The following DOCK8 variants were observed in gnomAD, a reference collection of about 807,000 sequenced individuals.
DOCK8 encodes dedicator of cytokinesis protein 8.
Under a neutral mutation model 245.6 loss-of-function variants are expected in DOCK8, and 141 were observed. The observed-to-expected ratio is 0.57, with a 90% CI of 0.50 to 0.66. The LOEUF is 0.66. Ranked by LOEUF, DOCK8 falls within the 30% of genes least tolerant of loss-of-function variation. The pLI is 0.00. For missense variants in DOCK8, 2,965 were observed against 2,603.4 expected, an observed-to-expected ratio of 1.14 and a Z score of -3.02; for synonymous variants, 1,168 against 970.2, an observed-to-expected ratio of 1.20 and a Z score of -3.79.
intron 2 of DOCK8, chr9:272,852 A>G (rs1191196129): frequency 6.2e-6 from 1 of 160,952 alleles, no homozygotes; most frequent in Non-Finnish European, 1.3e-5. Context: ...TTGTAAAACC[A>G]GCAGTGAATA....
At chr9:399,752 C>G (rs1482705907) in intron 26 of DOCK8, among the ~76,000 whole-genome samples, 2 of 151,962 alleles carry the variant, frequency 1.3e-5, no homozygotes, top group African/African-American at 4.8e-5. Context: ...TTTCATAAAC[C>G]AAGTGCATCT....
rs768454181 is a variant in DOCK8, at chr9:379,730, G to C, written c.2441-41G>C. ...AAACTTCCACCTCAGGCTCCTTAAG[G>C]ACCAGCTGTGGGACTACCCATTTTT... is the stretch of plus-strand genomic sequence containing the variant. On this transcript the variant is annotated intron_variant, in intron 20 of 47. Coordinates refer to ENST00000432829, the MANE Select transcript of DOCK8 (RefSeq NM_203447.4). The C allele has an allele frequency of 3.1e-6, 5 of 1,611,888 alleles. No individual in the cohort carries two copies. In the South Asian group the frequency reaches 5.5e-5, roughly 18 times the overall value.
chr9:379,992 A>G (rs2053678404), intron 21 of DOCK8, 57 bp downstream of exon 21: 1 of 1,570,650 alleles, frequency 6.4e-7, no homozygotes, highest in Non-Finnish European at 8.6e-7. Flanking sequence ...CCTCCACCCC[A>G]CTGCAGTGTA....
At chr9:279,007 A>G (rs1438394309) in intron 2 of DOCK8, among the ~76,000 whole-genome samples, 2 of 152,176 alleles carry the variant, frequency 1.3e-5, no homozygotes, top group Non-Finnish European at 2.9e-5. Flanking sequence ...CAGGAAAGCA[A>G]TACCGGTGCT....
chr9:339,002 G>T lies in DOCK8; in HGVS notation c.1423-4G>T, dbSNP rs1419886441. On this transcript the variant is annotated splice_polypyrimidine_tract_variant and splice_region_variant and intron_variant, in intron 12 of 47. Coordinates refer to ENST00000432829, the MANE Select transcript of DOCK8 (RefSeq NM_203447.4). ...TACATTAACTCTGACTTTTCTCTTG[G>T]CAGGAAGGAGATCGCCTTAGCGATG... is the stretch of plus-strand genomic sequence containing the variant. The T allele has an allele frequency of 6.2e-7, 1 of 1,613,872 alleles. No individual in the cohort carries two copies. Among genetic ancestry groups the T allele is most frequent in the Non-Finnish European group, 8.5e-7 (1 of 1,179,850 alleles).
At chr9:388,515 A>G (rs1483440263) in intron 23 of DOCK8, among the ~76,000 whole-genome samples, 2 of 151,772 alleles carry the variant, frequency 1.3e-5, no homozygotes, top group African/African-American at 4.8e-5. Context: ...CGCAAGAATT[A>G]GTACATTGGG....
rs80292694 is a variant in DOCK8 at position 390,657 on chromosome 9, C to G, written c.2970+91C>G. On this transcript the variant is annotated intron_variant, in intron 24 of 47. Transcript: ENST00000432829. ...TGACATTTTGTTCACTGAGTTGCCC[C>G]TGCTGAAAACCTGGGGTGGTTTCTT... The G allele has an allele frequency of 1.0e-3, 1,284 of 1,251,966 alleles. 12 individuals carry two copies. In the African/African-American group the frequency reaches 0.017, roughly 16 times the overall value. The allele number at this position is 1,251,966 out of a possible 1,614,324, so 77.6% of individuals were successfully genotyped here.
chr9:334,738 A>C (rs373394508), intron 11 of DOCK8, among the ~76,000 whole-genome samples: 1 of 151,660 alleles, frequency 6.6e-6, no homozygotes, highest in Non-Finnish European at 1.5e-5. Context: ...ACCATGGTCG[A>C]CTCCTAAACC....
At chr9:280,134 C>G (rs2048515756) in intron 2 of DOCK8, among the ~76,000 whole-genome samples, 1 of 152,140 alleles carries the variant, frequency 6.6e-6, no homozygotes, top group Non-Finnish European at 1.5e-5. Context: ...CAAGGGAAAT[C>G]TCAAACTTGC....
intron 1 of DOCK8, among the ~76,000 whole-genome samples, chr9:249,132 G>A (rs529835136): frequency 1.3e-5 from 2 of 152,238 alleles, no homozygotes; most frequent in South Asian, 4.1e-4. Context: ...AAGATTGCTG[G>A]GGGGTTTCCC....
intron 26 of DOCK8, among the ~76,000 whole-genome samples, chr9:399,607 C>T (rs1037680143): frequency 6.6e-6 from 1 of 152,090 alleles, no homozygotes; most frequent in Non-Finnish European, 1.5e-5. Flanking sequence ...CGCTCCCAGT[C>T]TGAGGTCTCT....
intron 32 of DOCK8, among the ~76,000 whole-genome samples, 187 bp from the exon 33 acceptor site, chr9:421,861 T>C (rs549409348): frequency 6.6e-6 from 1 of 152,284 alleles, no homozygotes; most frequent in East Asian, 1.9e-4. Context: ...TTCTAGTCTA[T>C]CAATCAAAGA....
chr9:307,329 GTTTTTTTTGTTTTTTTTTT>G lies in DOCK8; in HGVS notation c.528+2634_528+2652del, dbSNP rs1329343292. Among the ~76,000 whole-genome samples, 358 of 75,122 alleles carry G rather than the reference GTTTTTTTTGTTTTTTTTTT, an allele frequency of 4.8e-3. 58 individuals carry two copies. Among genetic ancestry groups the G allele is most frequent in the African/African-American group, 0.014 (290 of 20,444 alleles). The allele number at this position is 75,122 out of a possible 152,430, so 49.3% of individuals were successfully genotyped here. On this transcript the variant is annotated intron_variant, in intron 5 of 47. Transcript: ENST00000432829. ...AACTCAAGTCACTGTGTTGTGTGTG[GTTTTTTTTGTTTTTTTTTT>G]TTTTTTTTTTTTTTTTTTTTTTTTT...
At chr9:408,208 G>A (rs1164180989) in intron 28 of DOCK8, among the ~76,000 whole-genome samples, 1 of 152,204 alleles carries the variant, frequency 6.6e-6, no homozygotes, top group Non-Finnish European at 1.5e-5. Context: ...ATTTAGTGAA[G>A]GAAACAGGAG....
chr9:371,361 G>A (rs1222224458), intron 16 of DOCK8, 67 bp from the exon 17 acceptor site: 10 of 1,594,658 alleles, frequency 6.3e-6, no homozygotes, highest in East Asian at 2.2e-5. Context: ...GGGCTGTGGC[G>A]TTTTACAATC....
At chr9:429,121 C>T (rs1008387256) in intron 35 of DOCK8, among the ~76,000 whole-genome samples, 11 of 152,286 alleles carry the variant, frequency 7.2e-5, no homozygotes, top group African/African-American at 2.2e-4. Flanking sequence ...CGTGTGCCAC[C>T]GCACCCAGCT....
intron 14 of DOCK8, among the ~76,000 whole-genome samples, chr9:342,424 G>A (rs35504021): frequency 0.62 from 93,035 of 150,494 alleles, 29,299 homozygotes; most frequent in East Asian, 0.77. Flanking sequence ...GGAAATATCA[G>A]TATTGATTCA....
rs78492529 is a variant in DOCK8 at position 417,482 on chromosome 9, G to T, written c.3701-586G>T. Among the ~76,000 whole-genome samples the T allele has an allele frequency of 6.2e-3, 939 of 152,272 alleles. 6 individuals are homozygous for T. The highest frequency in any genetic ancestry group is 0.011 in the Non-Finnish European group (725 of 68,020). ...TGAATGTTTTACCACACTTTTCCCA[G>T]AACTGCTTGAAATATTAATAGTTTT... On this transcript the variant is annotated intron_variant, in intron 29 of 47. Transcript: ENST00000432829.
intron 9 of DOCK8, among the ~76,000 whole-genome samples, chr9:331,235 G>C (rs16930571): frequency 0.24 from 36,505 of 152,082 alleles, 4,789 homozygotes; most frequent in African/African-American, 0.34. Flanking sequence ...TTGCTGATTA[G>C]CAGGAATACT....
Sources: allele counts gnomAD v4.1 joint callset (sites outside exome capture counted in the v4.1 genomes callset), GRCh38; gene constraint gnomAD v4.1.1; transcripts MANE v1.5; gene names NCBI Gene and HGNC (gene_info 2026-07-23, HGNC 2026-07-21).